The following RBBP8 variants were observed in gnomAD, a reference collection of about 807,000 sequenced individuals.
The protein encoded by RBBP8 is DNA endonuclease RBBP8.
In RBBP8, 88 loss-of-function variants were observed where a neutral mutation model predicts 108.3. The ratio of observed to expected loss-of-function variants is 0.81; its 90% CI spans 0.68 to 0.97. RBBP8 has a LOEUF of 0.97. RBBP8 is among the 50% of genes least tolerant of loss of function. RBBP8 has a pLI of 0.00. For synonymous variants in RBBP8, 332 were observed against 348.2 expected, an observed-to-expected ratio of 0.95 and a Z score of 0.52; for missense variants, 1,023 against 1,049.0, an observed-to-expected ratio of 0.98 and a Z score of 0.34.
At chr18:22,965,699 T>C (rs982871736) in intron 4 of RBBP8, among the ~76,000 whole-genome samples, 13 of 152,208 alleles carry the variant, frequency 8.5e-5, no homozygotes, top group African/African-American at 2.7e-4. Flanking sequence ...ATCACTTGAC[T>C]GCTCAGAATA....
intron 7 of RBBP8, 96 bp from the exon 8 acceptor site, chr18:22,984,786 AATAC>A: frequency 1.5e-6 from 1 of 664,996 alleles, no homozygotes; most frequent in Non-Finnish European, 2.5e-6. Context: ...AAATACAGAT[AATAC>A]ATAAAAATTT....
chr18:23,011,071 C>T (rs2046150796), intron 16 of RBBP8, among the ~76,000 whole-genome samples: 2 of 152,174 alleles, frequency 1.3e-5, no homozygotes, highest in South Asian at 2.1e-4. Flanking sequence ...TTCTAATTCA[C>T]AGATCACACC....
At chr18:23,005,329 T>TA (rs2046022822) in intron 15 of RBBP8, among the ~76,000 whole-genome samples, 1 of 152,226 alleles carries the variant, frequency 6.6e-6, no homozygotes, top group Non-Finnish European at 1.5e-5. Flanking sequence ...AGGTGACAGA[T>TA]ATGCTAATTA....
intron 17 of RBBP8, among the ~76,000 whole-genome samples, chr18:23,020,246 C>A (rs2046326787): frequency 6.6e-6 from 1 of 151,584 alleles, no homozygotes; most frequent in Admixed American, 6.6e-5. Context: ...CATGGTAAAA[C>A]CCTGTCCCTA....
chr18:22,914,992 T>C (rs1248642389), intron 1 of RBBP8, among the ~76,000 whole-genome samples: 1 of 152,118 alleles, frequency 6.6e-6, no homozygotes, highest in East Asian at 1.9e-4. Flanking sequence ...CTTTACGTAA[T>C]CCAATTAATT....
At chr18:22,989,423 G>A in intron 9 of RBBP8, 105 bp downstream of exon 9, 1 of 809,112 alleles carries the variant, frequency 1.2e-6, no homozygotes, top group Non-Finnish European at 2.0e-6. Context: ...AAGATCTTGG[G>A]TAAAGGCCTG....
At chr18:22,971,034 T>C (rs1914036417) in intron 5 of RBBP8, among the ~76,000 whole-genome samples, 1 of 152,330 alleles carries the variant, frequency 6.6e-6, no homozygotes, top group Admixed American at 6.5e-5. Context: ...ATCCTCAAGC[T>C]TACTGTCTCA....
chr18:22,941,518 C>T (rs757656752), intron 2 of RBBP8, among the ~76,000 whole-genome samples: 7 of 152,080 alleles, frequency 4.6e-5, no homozygotes, highest in Non-Finnish European at 8.8e-5. Context: ...TGACAGATTT[C>T]TTCTTCCTAT....
chr18:22,988,279 A>ATC (rs1397659875), intron 8 of RBBP8, among the ~76,000 whole-genome samples: 52 of 152,158 alleles, frequency 3.4e-4, no homozygotes, highest in African/African-American at 1.2e-3. Context: ...AAACTCTTAG[A>ATC]TATCTCTTCA....
chr18:22,962,129 G>A (rs1011622715), intron 4 of RBBP8, among the ~76,000 whole-genome samples: 7 of 152,040 alleles, frequency 4.6e-5, no homozygotes, highest in African/African-American at 1.7e-4. Flanking sequence ...TAGAATTGCT[G>A]CCCATTGGTC....
chr18:22,931,301 T>C (rs1300624467), upstream of RBBP8, among the ~76,000 whole-genome samples: 1 of 152,056 alleles, frequency 6.6e-6, no homozygotes, highest in African/African-American at 2.4e-5. Context: ...AAAAGTCTAG[T>C]GAGACCAGAG....
At chr18:22,957,363 T>C (rs1912670173) in intron 4 of RBBP8, among the ~76,000 whole-genome samples, 1 of 147,504 alleles carries the variant, frequency 6.8e-6, no homozygotes, top group Non-Finnish European at 1.5e-5. Flanking sequence ...GGCATTACCT[T>C]CATCTCTGTT....
chr18:22,978,421 GTTTTGTTTTTTCCT>G (rs1279662554), intron 6 of RBBP8, among the ~76,000 whole-genome samples: 1 of 152,058 alleles, frequency 6.6e-6, no homozygotes, highest in Non-Finnish European at 1.5e-5. Context: ...AACATATGGA[GTTTTGTTTTTTCCT>G]TTTATGACAA....
intron 16 of RBBP8, among the ~76,000 whole-genome samples, chr18:23,011,867 C>T (rs2046169706): frequency 6.6e-6 from 1 of 151,624 alleles, no homozygotes; most frequent in Non-Finnish European, 1.5e-5. Context: ...CTCTCCTCCT[C>T]TTCTTGGGCC....
Position 22,924,127 on chromosome 18 carries a change from G to GTTTTTTTTTTTTT in RBBP8, c.-153-5248_-153-5236dup, listed in dbSNP as rs33978854. Among the ~76,000 whole-genome samples the GTTTTTTTTTTTTT allele has an allele frequency of 6.5e-5, 7 of 108,228 alleles. 1 individual carries two copies. Among genetic ancestry groups the GTTTTTTTTTTTTT allele is most frequent in the Non-Finnish European group, 8.8e-5 (5 of 56,820 alleles). The allele number at this position is 108,228 out of a possible 152,430, so 71.0% of individuals were successfully genotyped here. On this transcript the variant is annotated intron_variant, in intron 3 of 4. Transcript: ENST00000577588. ...GCATTTTTTAGTTAGTTTGTTTTTGGTTTTTTTTTTTTTTTTTTTTGAGAC... is the reference window on the plus strand; with the variant it reads ...GCATTTTTTAGTTAGTTTGTTTTTGGTTTTTTTTTTTTTTTTTTTTTTTTTTTTTTTTTGAGAC...
chr18:22,964,179 G>A (rs539275947), intron 4 of RBBP8, among the ~76,000 whole-genome samples: 1 of 152,114 alleles, frequency 6.6e-6, no homozygotes, highest in South Asian at 2.1e-4. Flanking sequence ...TGTTGACCAG[G>A]CTTGTCTAGA....
intron 6 of RBBP8, among the ~76,000 whole-genome samples, chr18:22,977,392 GT>G (rs906341697): frequency 8.2e-4 from 124 of 151,970 alleles, no homozygotes; most frequent in African/African-American, 2.9e-3. Context: ...TAGTTTTGAT[GT>G]TACAAGATGG....
intron 4 of RBBP8, among the ~76,000 whole-genome samples, chr18:22,958,033 T>C (rs577564333): frequency 6.6e-6 from 1 of 152,340 alleles, no homozygotes; most frequent in South Asian, 2.1e-4. Flanking sequence ...CTTACCATTA[T>C]GTTACAGGAA....
At chr18:22,916,614 T>C (rs1428064381) in intron 2 of RBBP8, among the ~76,000 whole-genome samples, 1 of 152,154 alleles carries the variant, frequency 6.6e-6, no homozygotes, top group Non-Finnish European at 1.5e-5. Flanking sequence ...TATATTTTAA[T>C]CTATACCATT....
Sources: allele counts gnomAD v4.1 joint callset (sites outside exome capture counted in the v4.1 genomes callset), GRCh38; gene constraint gnomAD v4.1.1; transcripts MANE v1.5; gene names NCBI Gene and HGNC (gene_info 2026-07-23, HGNC 2026-07-21).